The following NDUFA10 variants were observed in gnomAD, a reference collection of about 807,000 sequenced individuals.
NDUFA10 encodes NADH dehydrogenase [ubiquinone] 1 alpha subcomplex subunit 10, mitochondrial.
In NDUFA10, 40 loss-of-function variants were observed where a neutral mutation model predicts 47.8. That is an observed-to-expected ratio of 0.84 (90% CI 0.65 to 1.09). The LOEUF (loss-of-function observed/expected upper bound fraction) is 1.09, where lower values mean the gene tolerates loss of function less well. NDUFA10 is among the 50% of genes least tolerant of loss of function. The probability of loss-of-function intolerance (pLI) is 0.00; values close to 1 mark genes in which losing one functional copy is unlikely to be tolerated. For synonymous variants in NDUFA10, 183 were observed against 172.2 expected, an observed-to-expected ratio of 1.06 and a Z score of -0.49; for missense variants, 413 against 451.1, an observed-to-expected ratio of 0.92 and a Z score of 0.76.
intron 4 of NDUFA10, among the ~76,000 whole-genome samples, chr2:239,926,213 T>C (rs1694063144): frequency 6.6e-6 from 1 of 152,242 alleles, no homozygotes. Flanking sequence ...GCGGCTTTAT[T>C]CATAATTGTC....
intron 4 of NDUFA10, among the ~76,000 whole-genome samples, chr2:239,940,839 T>C (rs757958162): frequency 1.3e-4 from 20 of 152,194 alleles, no homozygotes; most frequent in Non-Finnish European, 2.8e-4. Flanking sequence ...TTCCCGTCTA[T>C]ATGAATTCTT....
intron 8 of NDUFA10, among the ~76,000 whole-genome samples, chr2:239,991,695 A>T (rs1399396909): frequency 6.6e-6 from 1 of 152,224 alleles, no homozygotes; most frequent in Non-Finnish European, 1.5e-5. Context: ...TCTTACTGTT[A>T]ACACAAATAT....
At chr2:239,918,331 C>T (rs1693912468) in intron 4 of NDUFA10, among the ~76,000 whole-genome samples, 1 of 152,216 alleles carries the variant, frequency 6.6e-6, no homozygotes, top group Non-Finnish European at 1.5e-5. Context: ...ACTGGACATA[C>T]ATGCGCCCCA....
chr2:239,940,453 G>A (rs1374807316), intron 4 of NDUFA10, among the ~76,000 whole-genome samples: 4 of 152,264 alleles, frequency 2.6e-5, no homozygotes, highest in Non-Finnish European at 4.4e-5. Context: ...TGAGTTTCCA[G>A]AAGGAGGCAA....
intron 4 of NDUFA10, among the ~76,000 whole-genome samples, chr2:239,915,255 C>A (rs1693838423): frequency 1.4e-5 from 1 of 69,290 alleles, no homozygotes; most frequent in Non-Finnish European, 2.9e-5. Flanking sequence ...ACACACACAA[C>A]ACACACACAT....
In NDUFA10 at chr2:240,018,754, C is replaced by T. The variant is rs1207092917; in HGVS notation, c.461-115G>A. 3 of 1,137,334 alleles carry T rather than the reference C, an allele frequency of 2.6e-6. No individual in the cohort carries two copies. In the African/African-American group the frequency reaches 4.6e-5, roughly 18 times the overall value. 70.5% of individuals were successfully genotyped at this position (1,137,334 alleles called of 1,614,324 possible). ...ACAATCATTTACAATTCCATTTCCA[C>T]ACCAAAATACTGAAAAGAACATAGA... On this transcript the variant is annotated intron_variant, in intron 3 of 9. Coordinates refer to ENST00000252711, the MANE Select transcript of NDUFA10 (RefSeq NM_004544.4).
intron 1 of NDUFA10, among the ~76,000 whole-genome samples, chr2:240,023,996 C>G (rs1039481300): frequency 6.6e-6 from 1 of 152,214 alleles, no homozygotes; most frequent in African/African-American, 2.4e-5. Context: ...CGCATGCTGG[C>G]GAGCACGCAG....
rs557626122 is a variant in NDUFA10, at chr2:239,981,083, G to C, written c.999+8991C>G. On this transcript the variant is annotated intron_variant, in intron 9 of 9. Coordinates refer to ENST00000252711, the MANE Select transcript of NDUFA10 (RefSeq NM_004544.4). ...GAATCTGAGGCCTGGCAGCAGCAAA[G>C]GGTCCTTTCAGGAGTAGGGCTGCCA... Among the ~76,000 whole-genome samples, 474 of 152,374 alleles carry C rather than the reference G, an allele frequency of 3.1e-3. 6 individuals carry two copies. The highest frequency in any genetic ancestry group is 0.014 in the Middle Eastern group (4 of 294).
chr2:239,962,601 G>A (rs750539444), intron 9 of NDUFA10, among the ~76,000 whole-genome samples: 12 of 152,176 alleles, frequency 7.9e-5, no homozygotes, highest in East Asian at 3.8e-4. Context: ...TGGAGGGGCC[G>A]GTGCTCTGTT....
intron 4 of NDUFA10, among the ~76,000 whole-genome samples, chr2:239,895,953 C>G (rs1245835786): frequency 6.7e-6 from 1 of 149,380 alleles, no homozygotes; most frequent in Admixed American, 6.6e-5. Context: ...AGTGTAAGTG[C>G]TTGGCTAATA....
chr2:239,929,470 GT>G (rs1694122095), intron 4 of NDUFA10, among the ~76,000 whole-genome samples: 1 of 152,192 alleles, frequency 6.6e-6, no homozygotes, highest in African/African-American at 2.4e-5. Context: ...CCATGGCAGT[GT>G]TTCCTCACCT....
intron 8 of NDUFA10, among the ~76,000 whole-genome samples, chr2:239,990,889 C>G (rs1444386537): frequency 6.6e-6 from 1 of 151,780 alleles, no homozygotes; most frequent in Non-Finnish European, 1.5e-5. Flanking sequence ...TTTTAAAAAG[C>G]ATTTTTTCAG....
intron 9 of NDUFA10, chr2:239,976,636 A>G (rs1695534064): frequency 6.6e-6 from 1 of 152,272 alleles, no homozygotes; most frequent in Admixed American, 6.5e-5. Flanking sequence ...AGTGTCTGGC[A>G]CTGAGTGCGG....
chr2:240,022,260 TC>T lies in NDUFA10; in HGVS notation c.155del (p.Arg52AsnfsTer2). 6.2e-7 allele frequency: 1 copy of T among 1,614,142 alleles called. No homozygotes were observed. Among genetic ancestry groups the T allele is most frequent in the Non-Finnish European group, 8.5e-7 (1 of 1,180,028 alleles). ...TTATCACTCTGCTGCGTTCTGTCAG[TC>T]TTTTGCTTGCTTTATCCCCAAGTAG... ...HFLLGDKASK[R>X]LTERSRVITV... On this transcript the variant is annotated frameshift_variant, in exon 2 of 10. Transcript: ENST00000252711. LOFTEE classifies it high-confidence loss of function.
chr2:239,986,530 C>G (rs1383207964), intron 9 of NDUFA10, among the ~76,000 whole-genome samples: 1 of 151,900 alleles, frequency 6.6e-6, no homozygotes, highest in Non-Finnish European at 1.5e-5. Flanking sequence ...CAGTTTTCAA[C>G]AAATAGAAAC....
chr2:239,996,809 CTT>C lies in NDUFA10; in HGVS notation c.891-6629_891-6628del, dbSNP rs112180218. The stretch of plus-strand genomic sequence containing the variant: ...CTTAAAACATTGTGAGTTTTTTTGC[CTT>C]TTTTTTTTTTTAACTCATCAGCTAT... On this transcript the variant is annotated intron_variant, in intron 8 of 9. Transcript: ENST00000252711. Among the ~76,000 whole-genome samples, 284 of 143,998 alleles carry C rather than the reference CTT, an allele frequency of 2.0e-3. 2 individuals carry two copies. Among genetic ancestry groups the C allele is most frequent in the African/African-American group, 6.4e-3 (252 of 39,520 alleles). The allele number at this position is 143,998 out of a possible 152,430, so 94.5% of individuals were successfully genotyped here. A position where few individuals can be genotyped will look rare whatever the true frequency, so the allele number is the denominator to read the frequency against.
At position 239,916,039 on chromosome 2, in the gene NDUFA10, C is replaced by CACAAAAA. The variant is rs1693867216; in HGVS notation, c.295-20726_295-20725insTTTTTGT. ...ATACATAGAGAGACACACAGAGATA[C>CACAAAAA]TCACACAAACATACACACACACATA... On this transcript the variant is annotated intron_variant, in intron 4 of 5. Coordinates refer to the NDUFA10 transcript ENST00000419408. Among the ~76,000 whole-genome samples the CACAAAAA allele has an allele frequency of 3.0e-5, 3 of 100,412 alleles. No homozygotes were observed. In the South Asian group the frequency reaches 9.1e-4, roughly 30 times the overall value. 65.9% of individuals were successfully genotyped at this position (100,412 alleles called of 152,430 possible).
At chr2:239,941,073 A>T (rs1371598159) in intron 4 of NDUFA10, among the ~76,000 whole-genome samples, 3 of 152,224 alleles carry the variant, frequency 2.0e-5, no homozygotes, top group African/African-American at 2.4e-5. Flanking sequence ...CAGCAAGGTC[A>T]CTACAAGGTG....
At chr2:239,992,409 T>C (rs1696286754) in intron 8 of NDUFA10, among the ~76,000 whole-genome samples, 1 of 152,208 alleles carries the variant, frequency 6.6e-6, no homozygotes, top group Non-Finnish European at 1.5e-5. Flanking sequence ...GTTTCCCAAT[T>C]AACTGAATGT....
Sources: gnomAD v4.1 joint callset for allele counts (sites outside exome capture counted in the v4.1 genomes callset) on GRCh38, gnomAD v4.1.1 for gene constraint, MANE v1.5 for transcripts, NCBI Gene and HGNC (gene_info 2026-07-23, HGNC 2026-07-21) for gene names.